The following AXL variants were observed in gnomAD, a reference collection of about 807,000 sequenced individuals.
AXL encodes the protein tyrosine-protein kinase receptor UFO.
Under a neutral mutation model 104.5 loss-of-function variants are expected in AXL, and 52 were observed. The observed-to-expected ratio is 0.50, with a 90% CI of 0.40 to 0.63. The LOEUF (loss-of-function observed/expected upper bound fraction) is 0.63, where lower values mean the gene tolerates loss of function less well. AXL is among the 20% of genes least tolerant of loss of function. The pLI is 0.00. For synonymous variants in AXL, 455 were observed against 473.7 expected (o/e 0.96, Z 0.51); for missense variants, 1,024 against 1,188.5 (o/e 0.86, Z 2.04).
intron 18 of AXL, 75 bp downstream of exon 18, chr19:41,256,686 C>T (rs1196648220): frequency 5.1e-6 from 8 of 1,571,592 alleles, no homozygotes; most frequent in Non-Finnish European, 8.7e-7. Context: ...GCCTGGGTGG[C>T]TGTGGATGCA....
intron 17 of AXL, among the ~76,000 whole-genome samples, chr19:41,254,667 C>T (rs1022679513): frequency 3.3e-5 from 5 of 151,946 alleles, no homozygotes; most frequent in Middle Eastern, 3.4e-3. Flanking sequence ...ATCTATAATC[C>T]CAGCCCTTTG....
chr19:41,245,423 C>G (rs745832535), intron 12 of AXL, among the ~76,000 whole-genome samples: 7 of 152,136 alleles, frequency 4.6e-5, no homozygotes, highest in Non-Finnish European at 8.8e-5. Flanking sequence ...CTCAGAGGCC[C>G]AGTCAAATCT....
chr19:41,230,401 C>G (rs953492229), intron 4 of AXL, among the ~76,000 whole-genome samples: 10 of 147,994 alleles, frequency 6.8e-5, no homozygotes, highest in Non-Finnish European at 1.3e-4. Flanking sequence ...GAGTGTGTGT[C>G]TCTATCTGGG....
At chr19:41,223,132 C>A (rs1285774379) in intron 4 of AXL, among the ~76,000 whole-genome samples, 1 of 149,228 alleles carries the variant, frequency 6.7e-6, no homozygotes, top group Non-Finnish European at 1.5e-5. Flanking sequence ...CCATCTTTAC[C>A]AAAAATACAA....
chr19:41,239,027 G>A lies in AXL; in HGVS notation c.1135-137G>A, dbSNP rs561960059. 7.2e-5 allele frequency: 72 copies of A among 995,858 alleles called. 1 individual carries two copies. The African/African-American group carries it at 1.1e-3, about 15-fold the overall frequency. The allele number at this position is 995,858 out of a possible 1,614,324, so 61.7% of individuals were successfully genotyped here. On this transcript the variant is annotated intron_variant, in intron 8 of 19. Transcript: ENST00000301178. ...TTAAAGGATGAGGATGAGAGATGAA[G>A]GGGAGGACGAGGAAGGATGAGGAGT...
chr19:41,245,911 C>T (rs966185812), intron 12 of AXL, among the ~76,000 whole-genome samples: 24 of 152,266 alleles, frequency 1.6e-4, no homozygotes, highest in African/African-American at 5.5e-4. Context: ...AGTGATTTAA[C>T]TGAGTAACAT....
At chr19:41,255,353 TTC>T (rs1824343190) in intron 17 of AXL, among the ~76,000 whole-genome samples, 1 of 89,328 alleles carries the variant, frequency 1.1e-5, no homozygotes, top group East Asian at 3.8e-4. Flanking sequence ...CCTTTCTTCT[TTC>T]TTTTCTTTCT....
At chr19:41,242,291 C>T (rs993976360) in intron 10 of AXL, among the ~76,000 whole-genome samples, 12 of 150,660 alleles carry the variant, frequency 8.0e-5, no homozygotes, top group Non-Finnish European at 1.3e-4. Flanking sequence ...TGATGCTCTA[C>T]CACCTGAACT....
At chr19:41,223,992 CTAAA>C (rs1383564124) in intron 4 of AXL, among the ~76,000 whole-genome samples, 1 of 149,970 alleles carries the variant, frequency 6.7e-6, no homozygotes, top group Non-Finnish European at 1.5e-5. Flanking sequence ...GTGTGTGTGA[CTAAA>C]TATATTTCCT....
chr19:41,259,519 G>A, intron 19 of AXL, 34 bp from the exon 20 acceptor site: 3 of 1,548,956 alleles, frequency 1.9e-6, no homozygotes, highest in Non-Finnish European at 2.6e-6. Context: ...CTGAGTCCCT[G>A]CTCAATCTCC....
chr19:41,221,311 G>A (rs1401678789), intron 3 of AXL, 65 bp downstream of exon 3: 8 of 1,468,218 alleles, frequency 5.4e-6, no homozygotes, highest in African/African-American at 1.4e-5. Context: ...GTTGTGGGAA[G>A]TCAGGAATCC....
At position 41,257,590 on chromosome 19, in the gene AXL, G is replaced by T; in HGVS notation, c.2294G>T (p.Gly765Val). 6.2e-7 allele frequency: 1 copy of T among 1,614,178 alleles called. No homozygotes were observed. Among genetic ancestry groups the T allele is most frequent in the Non-Finnish European group, 8.5e-7 (1 of 1,180,036 alleles). ...NSEIYDYLRQ[G>V]NRLKQPADCL... ...GAGATTTATGACTATCTGCGCCAGGGAAATCGCCTGAAGCAGCCTGCGGAC... is the reference window on the plus strand; with the variant it reads ...GAGATTTATGACTATCTGCGCCAGGTAAATCGCCTGAAGCAGCCTGCGGAC... The change falls in exon 19 of 20, where the codon GGA becomes GTA. Residue 765 changes from glycine to valine, a missense_variant. Gly to Val is a moderately radical substitution (Grantham distance 109, BLOSUM62 -3). Around this residue, in one of 5 missense-constraint regions of AXL, gnomAD observed 523 missense variants for 636.0 expected, o/e 0.82. Coordinates refer to ENST00000301178, the MANE Select transcript of AXL (RefSeq NM_021913.5).
intron 1 of AXL, among the ~76,000 whole-genome samples, chr19:41,219,681 C>G (rs2033750219): frequency 6.8e-6 from 1 of 146,720 alleles, no homozygotes. Flanking sequence ...GAGAGAGGAA[C>G]TGAAGGGCAG....
At chr19:41,228,364 C>A (rs551992066) in intron 4 of AXL, among the ~76,000 whole-genome samples, 1 of 151,952 alleles carries the variant, frequency 6.6e-6, no homozygotes, top group South Asian at 2.1e-4. Context: ...ACCAGCCTGG[C>A]CAACATGGTG....
At chr19:41,249,675 G>A (rs1024776192) in intron 14 of AXL, among the ~76,000 whole-genome samples, 29 of 151,806 alleles carry the variant, frequency 1.9e-4, no homozygotes, top group African/African-American at 6.5e-4. Context: ...AGAATCGCTT[G>A]AACCTCACAG....
intron 1 of AXL, 50 bp from the exon 2 acceptor site, chr19:41,220,586 C>A (rs1358666479): frequency 3.4e-6 from 5 of 1,489,454 alleles, no homozygotes; most frequent in Non-Finnish European, 4.6e-6. Context: ...AACTGAGGGC[C>A]GGAAGGAGCT....
chr19:41,222,501 C>T (rs1347914591), intron 4 of AXL, among the ~76,000 whole-genome samples: 1 of 152,198 alleles, frequency 6.6e-6, no homozygotes, highest in African/African-American at 2.4e-5. Flanking sequence ...CCTCCCTCCA[C>T]AACCGGCCCA....
At chr19:41,237,818 G>A in intron 6 of AXL, 126 bp from the exon 7 acceptor site, 1 of 837,664 alleles carries the variant, frequency 1.2e-6, no homozygotes, top group Non-Finnish European at 2.0e-6. Context: ...TCCTAGCATG[G>A]CACTGCAACA....
intron 17 of AXL, among the ~76,000 whole-genome samples, chr19:41,255,686 C>A (rs916100005): frequency 4.6e-5 from 7 of 151,742 alleles, no homozygotes; most frequent in African/African-American, 1.7e-4. Flanking sequence ...AGTGATCCTC[C>A]CACCTTGGCC....
Sources: gnomAD v4.1 joint callset for allele counts (sites outside exome capture counted in the v4.1 genomes callset) on GRCh38, gnomAD v4.1.1 for gene constraint, gnomAD v4.1.1 regional missense constraint, MANE v1.5 for transcripts, NCBI Gene and HGNC (gene_info 2026-07-23, HGNC 2026-07-21) for gene names.